PPP1R12A: variants seen among roughly 807,000 people sequenced by gnomAD.
PPP1R12A encodes myosin binding subunit.
In PPP1R12A, 19 loss-of-function variants were observed where a neutral mutation model predicts 139.6. That is an observed-to-expected ratio of 0.14 (90% CI 0.09 to 0.20). The LOEUF is 0.20. Ranked by LOEUF, PPP1R12A falls within the 10% of genes least tolerant of loss-of-function variation. The probability of loss-of-function intolerance (pLI) is 1.00; values close to 1 mark genes in which losing one functional copy is unlikely to be tolerated. For synonymous variants in PPP1R12A, 427 were observed against 420.6 expected, an observed-to-expected ratio of 1.02 and a Z score of -0.19; for missense variants, 925 against 1,211.5, an observed-to-expected ratio of 0.76 and a Z score of 3.51.
At chr12:79,922,629 T>G (rs150910795) in intron 1 of PPP1R12A, among the ~76,000 whole-genome samples, 1 of 152,032 alleles carries the variant, frequency 6.6e-6, no homozygotes, top group Non-Finnish European at 1.5e-5. Flanking sequence ...TAAGTGGAAG[T>G]TGAACAATGA....
chr12:79,792,682 C>T (rs2053871), intron 19 of PPP1R12A, among the ~76,000 whole-genome samples: 119,257 of 151,958 alleles, frequency 0.78, 49,273 homozygotes, highest in Non-Finnish European at 0.92. Flanking sequence ...CTTTAAAAGC[C>T]AGACAATCTC....
intron 1 of PPP1R12A, among the ~76,000 whole-genome samples, chr12:79,922,433 G>C (rs1208210098): frequency 1.3e-5 from 2 of 151,986 alleles, no homozygotes; most frequent in Non-Finnish European, 2.9e-5. Flanking sequence ...TGCAGACTTA[G>C]AACTAACCCA....
At chr12:79,917,005 C>A (rs1376211815) in intron 1 of PPP1R12A, among the ~76,000 whole-genome samples, 2 of 151,920 alleles carry the variant, frequency 1.3e-5, no homozygotes, top group African/African-American at 4.8e-5. Context: ...AGGTACTTTA[C>A]CAGATTTTTT....
intron 1 of PPP1R12A, among the ~76,000 whole-genome samples, chr12:79,896,612 G>A (rs916311595): frequency 2.6e-5 from 4 of 152,160 alleles, no homozygotes; most frequent in Admixed American, 6.5e-5. Flanking sequence ...AGATTAAGGC[G>A]TAAGCCACTG....
intron 2 of PPP1R12A, among the ~76,000 whole-genome samples, chr12:79,856,117 C>T (rs370099975): frequency 2.2e-4 from 33 of 152,258 alleles, no homozygotes; most frequent in African/African-American, 7.7e-4. Context: ...TCTTGCCCAA[C>T]CTCTCTAATT....
At chr12:79,818,602 G>A (rs1875699078) in intron 8 of PPP1R12A, among the ~76,000 whole-genome samples, 1 of 152,030 alleles carries the variant, frequency 6.6e-6, no homozygotes, top group Admixed American at 6.6e-5. Flanking sequence ...CTATCCATTT[G>A]ATTTCAACAA....
chr12:79,777,502 A>T, intron 24 of PPP1R12A: 1 of 985,376 alleles, frequency 1.0e-6, no homozygotes, highest in Non-Finnish European at 1.2e-6. Flanking sequence ...CCAAGAAGAA[A>T]TGATGAAACT....
At chr12:79,904,969 T>C (rs1389476276) in intron 1 of PPP1R12A, among the ~76,000 whole-genome samples, 5 of 152,178 alleles carry the variant, frequency 3.3e-5, no homozygotes, top group Non-Finnish European at 7.4e-5. Context: ...TACAAAAACA[T>C]TTCTAAAACC....
At chr12:79,779,726 A>G (rs1053169477) in intron 23 of PPP1R12A, 65 of 218,670 alleles carry the variant, frequency 3.0e-4, no homozygotes, top group Admixed American at 2.9e-3. Flanking sequence ...CAGAAATAGA[A>G]TATTTCTTCT....
chr12:79,839,337 G>T (rs368199231), intron 3 of PPP1R12A, among the ~76,000 whole-genome samples: 33 of 152,290 alleles, frequency 2.2e-4, no homozygotes, highest in African/African-American at 7.7e-4. Context: ...GACTTACCTT[G>T]CCTCAGATGA....
rs1480509370 is a variant in PPP1R12A at position 79,775,143 on chromosome 12, T to C, written c.*786A>G. On this transcript the variant is annotated 3_prime_UTR_variant, in exon 25 of 25. Coordinates refer to ENST00000450142, the MANE Select transcript of PPP1R12A (RefSeq NM_002480.3). Reference sequence around the variant, plus strand: ...GTACCTGCTAAAATGAATGTGAAGATTACAGAATCTAACATCTTATACTAC... The same window carrying C: ...GTACCTGCTAAAATGAATGTGAAGACTACAGAATCTAACATCTTATACTAC... The C allele has an allele frequency of 1.3e-5, 2 of 152,400 alleles. No homozygotes were observed. Among genetic ancestry groups the C allele is most frequent in the African/African-American group, 2.4e-5 (1 of 41,396 alleles). The allele number at this position is 152,400 out of a possible 1,614,324, so 9.4% of individuals were successfully genotyped here. A position where few individuals can be genotyped will look rare whatever the true frequency, so the allele number is the denominator to read the frequency against.
At chr12:79,783,817 A>G (rs1870776542) in intron 22 of PPP1R12A, among the ~76,000 whole-genome samples, 1 of 152,220 alleles carries the variant, frequency 6.6e-6, no homozygotes, top group African/African-American at 2.4e-5. Context: ...ATCAGTTTAG[A>G]TAGTATTTTT....
At chr12:79,837,066 G>A (rs559835199) in intron 3 of PPP1R12A, among the ~76,000 whole-genome samples, 1 of 152,232 alleles carries the variant, frequency 6.6e-6, no homozygotes, top group East Asian at 1.9e-4. Flanking sequence ...AGTTTGAAAA[G>A]TCTATGATTC....
At chr12:79,790,818 G>C (rs1192515050) in intron 19 of PPP1R12A, among the ~76,000 whole-genome samples, 1 of 152,080 alleles carries the variant, frequency 6.6e-6, no homozygotes, top group Non-Finnish European at 1.5e-5. Context: ...GTCTTTTTCA[G>C]TAGTCAAATT....
At chr12:79,890,550 T>C (rs1884487316) in intron 1 of PPP1R12A, among the ~76,000 whole-genome samples, 1 of 152,172 alleles carries the variant, frequency 6.6e-6, no homozygotes, top group African/African-American at 2.4e-5. Context: ...TCTTCTAACA[T>C]TTTTTAATTA....
At chr12:79,847,186 T>C (rs928164856) in intron 2 of PPP1R12A, among the ~76,000 whole-genome samples, 19 of 152,190 alleles carry the variant, frequency 1.2e-4, no homozygotes, top group Non-Finnish European at 2.4e-4. Flanking sequence ...TAAACATATA[T>C]ACACCATCAC....
chr12:79,775,800 G>C lies in PPP1R12A; in HGVS notation c.*129C>G, dbSNP rs1335168305. 6.1e-6 allele frequency: 3 copies of C among 495,262 alleles called. No individual in the cohort carries two copies. The highest frequency in any genetic ancestry group is 1.0e-5 in the Non-Finnish European group (3 of 296,372). 30.7% of individuals were successfully genotyped at this position (495,262 alleles called of 1,614,324 possible). ...AAAATGAAACAAAAATTCTAGATAA[G>C]AGGGCATTTGGCAGGATATCCGAAA... is the stretch of plus-strand genomic sequence containing the variant. On this transcript the variant is annotated 3_prime_UTR_variant, in exon 25 of 25. Transcript: ENST00000450142.
At chr12:79,912,247 T>C (rs1244284586) in intron 1 of PPP1R12A, among the ~76,000 whole-genome samples, 1 of 152,246 alleles carries the variant, frequency 6.6e-6, no homozygotes, top group Admixed American at 6.5e-5. Context: ...CTTCTGTTCT[T>C]GTATAACACT....
chr12:79,888,566 T>C (rs922456649), intron 1 of PPP1R12A, among the ~76,000 whole-genome samples: 1 of 145,720 alleles, frequency 6.9e-6, no homozygotes, highest in East Asian at 1.9e-4. Flanking sequence ...AAGGGGAAAA[T>C]GGAAAATAGA....
Sources: allele counts gnomAD v4.1 joint callset (sites outside exome capture counted in the v4.1 genomes callset), GRCh38; gene constraint gnomAD v4.1.1; transcripts MANE v1.5; gene names NCBI Gene and HGNC (gene_info 2026-07-23, HGNC 2026-07-21).